Variants in TRPC4 observed in about 807,000 individuals in gnomAD.
TRPC4 encodes transient receptor potential cation channel subfamily C member 4, also known as short transient receptor potential channel 4.
TRPC4 carries 49 observed loss-of-function variants against 99.4 expected under a neutral mutation model. That is an observed-to-expected ratio of 0.49 (90% CI 0.39 to 0.63). The LOEUF (loss-of-function observed/expected upper bound fraction) is 0.63. Ranked by LOEUF, TRPC4 falls within the 20% of genes least tolerant of loss-of-function variation. The pLI is 0.00. For synonymous variants in TRPC4, 454 were observed against 425.9 expected, an observed-to-expected ratio of 1.07 and a Z score of -0.81; for missense variants, 898 against 1,152.9, an observed-to-expected ratio of 0.78 and a Z score of 3.20.
intron 3 of TRPC4, among the ~76,000 whole-genome samples, chr13:37,710,824 GA>G (rs1185298788): frequency 2.0e-5 from 3 of 151,738 alleles, no homozygotes; most frequent in Non-Finnish European, 4.4e-5. Context: ...TTAGGAAAGG[GA>G]AAAAAGTGAA....
chr13:37,702,755 T>C (rs1007728381), intron 3 of TRPC4, among the ~76,000 whole-genome samples: 2 of 152,208 alleles, frequency 1.3e-5, no homozygotes, highest in African/African-American at 4.8e-5. Flanking sequence ...CAGTCAGCTA[T>C]ATACATAATG....
chr13:37,795,888 T>C (rs891285660), intron 1 of TRPC4, among the ~76,000 whole-genome samples: 3 of 152,186 alleles, frequency 2.0e-5, no homozygotes, highest in African/African-American at 7.2e-5. Context: ...AGGCAATACA[T>C]TTCTGTGGCT....
chr13:37,681,751 C>T (rs781537334), intron 4 of TRPC4, among the ~76,000 whole-genome samples: 6 of 152,226 alleles, frequency 3.9e-5, no homozygotes, highest in East Asian at 1.9e-4. Context: ...ATCCTGTTCC[C>T]GCAATGGGAA....
At chr13:37,797,034 G>T (rs964068618) in intron 1 of TRPC4, among the ~76,000 whole-genome samples, 2 of 137,032 alleles carry the variant, frequency 1.5e-5, no homozygotes, top group Non-Finnish European at 3.1e-5. Flanking sequence ...GTAAGAATTA[G>T]CTGGGCATGG....
rs143625851 is a variant in TRPC4 at position 37,663,229 on chromosome 13, G to A, written c.1688+187C>T. ...ACTAAAATTTAAAATAAATGTGTCA[G>A]GTATTCTTTTTCCTGTCGGAAGTTT... On this transcript the variant is annotated intron_variant, in intron 6 of 10. Coordinates refer to ENST00000379705, the MANE Select transcript of TRPC4 (RefSeq NM_016179.4). 1.5e-3 allele frequency among the ~76,000 whole-genome samples: 231 copies of A among 152,262 alleles called. 2 individuals are homozygous for A. Among genetic ancestry groups the A allele is most frequent in the African/African-American group, 5.2e-3 (215 of 41,564 alleles).
chr13:37,807,806 C>T (rs1006462792), intron 1 of TRPC4, among the ~76,000 whole-genome samples: 9 of 151,870 alleles, frequency 5.9e-5, no homozygotes, highest in Admixed American at 1.3e-4. Flanking sequence ...ACAAAAGCAC[C>T]GAGCCAAAGG....
rs1953748584 is a variant in TRPC4 at position 37,692,450 on chromosome 13, T to G, written c.898-115A>C. On this transcript the variant is annotated intron_variant, in intron 3 of 10. Transcript: ENST00000379705. ...AAGACAGAAATTCTGTTTCACATAA[T>G]TTTACATTTAAACAATCAAAAGGCT... The G allele has an allele frequency of 6.1e-6, 6 of 980,916 alleles. No homozygotes were observed. The Admixed American group carries it at 1.7e-4, about 28-fold the overall frequency. 60.8% of individuals were successfully genotyped at this position (980,916 alleles called of 1,614,324 possible).
rs1956160761 is a variant in TRPC4, at chr13:37,758,995, C to A, written c.379-12540G>T. Among the ~76,000 whole-genome samples, 3 of 151,376 alleles carry A rather than the reference C, an allele frequency of 2.0e-5. No homozygotes were observed. The South Asian group carries it at 6.2e-4, about 31-fold the overall frequency. Reference sequence around the variant, plus strand: ...TATTGTTTTATTTATAACTTAATAACATTGTTATATTAATTGATATGAAGG... The same window carrying A: ...TATTGTTTTATTTATAACTTAATAAAATTGTTATATTAATTGATATGAAGG... On this transcript the variant is annotated intron_variant, in intron 2 of 10. Transcript: ENST00000379705.
intron 1 of TRPC4, among the ~76,000 whole-genome samples, chr13:37,791,764 A>G (rs1279521323): frequency 6.6e-6 from 1 of 152,200 alleles, no homozygotes; most frequent in Admixed American, 6.5e-5. Flanking sequence ...TCAGATGAAC[A>G]GGGATAGTCT....
chr13:37,867,471 G>A (rs1376447670), intron 1 of TRPC4, among the ~76,000 whole-genome samples: 1 of 135,902 alleles, frequency 7.4e-6, no homozygotes, highest in Non-Finnish European at 1.6e-5. Flanking sequence ...TTAATTCAGT[G>A]GGGTTAAAAT....
intron 1 of TRPC4, among the ~76,000 whole-genome samples, chr13:37,855,331 A>AC (rs1959161919): frequency 8.0e-6 from 1 of 125,776 alleles, no homozygotes; most frequent in African/African-American, 3.3e-5. Context: ...AGATATATAC[A>AC]ATGTAGATAT....
intron 1 of TRPC4, among the ~76,000 whole-genome samples, chr13:37,833,504 T>C (rs1445424293): frequency 6.6e-6 from 1 of 152,138 alleles, no homozygotes; most frequent in Non-Finnish European, 1.5e-5. Context: ...GCTGACGATC[T>C]TAAAAATGAA....
chr13:37,710,214 G>A (rs1254748400), intron 3 of TRPC4, among the ~76,000 whole-genome samples: 2 of 151,814 alleles, frequency 1.3e-5, no homozygotes, highest in Non-Finnish European at 2.9e-5. Context: ...TTAATGGATT[G>A]TCAGACTTCT....
chr13:37,813,880 A>G (rs940809977), intron 1 of TRPC4, among the ~76,000 whole-genome samples: 1 of 151,870 alleles, frequency 6.6e-6, no homozygotes, highest in Non-Finnish European at 1.5e-5. Flanking sequence ...CAAAGACATT[A>G]CAAGAAAAAT....
Position 37,637,241 on chromosome 13 carries a change from A to C in TRPC4, c.2596T>G (p.Ser866Ala), listed in dbSNP as rs534937697. Residue 866 changes from serine to alanine, a missense_variant, in exon 11 of 11, where the codon TCT becomes GCT. Coordinates refer to ENST00000379705, the MANE Select transcript of TRPC4 (RefSeq NM_016179.4). ...TGACGAGCAACTTCTTCTGAAACAGAGAAGATTTGGTTTGCATTTTGCTCA... is the reference window on the plus strand; with the variant it reads ...TGACGAGCAACTTCTTCTGAAACAGCGAAGATTTGGTTTGCATTTTGCTCA... ...AAEQNANQIF[S>A]VSEEVARQQA... 13 of 1,613,762 alleles carry C rather than the reference A, an allele frequency of 8.1e-6. No homozygotes were observed. Among genetic ancestry groups the C allele is most frequent in the African/African-American group, 6.7e-5 (5 of 74,906 alleles).
At chr13:37,672,571 A>C (rs7322054) in intron 5 of TRPC4, among the ~76,000 whole-genome samples, 55,720 of 152,060 alleles carry the variant, frequency 0.37, 11,351 homozygotes, top group Middle Eastern at 0.48. Flanking sequence ...TGGTATTGTG[A>C]TATAATCCCA....
intron 5 of TRPC4, among the ~76,000 whole-genome samples, chr13:37,670,253 G>A (rs1412952865): frequency 2.0e-5 from 3 of 152,170 alleles, no homozygotes; most frequent in Non-Finnish European, 2.9e-5. Context: ...TAATACAATG[G>A]AGAAATTAAA....
At chr13:37,755,832 G>A (rs1461348870) in intron 2 of TRPC4, among the ~76,000 whole-genome samples, 1 of 152,030 alleles carries the variant, frequency 6.6e-6, no homozygotes, top group Admixed American at 6.6e-5. Context: ...TTAAAGTTCT[G>A]GTTGATAGTA....
chr13:37,786,591 C>T (rs7993498), intron 1 of TRPC4, among the ~76,000 whole-genome samples: 55,569 of 151,842 alleles, frequency 0.37, 10,792 homozygotes, highest in Middle Eastern at 0.46. Context: ...GGAATTGCTA[C>T]TGGATAGAAA....
Sources: allele counts gnomAD v4.1 joint callset (sites outside exome capture counted in the v4.1 genomes callset), GRCh38; gene constraint gnomAD v4.1.1; transcripts MANE v1.5; gene names NCBI Gene and HGNC (gene_info 2026-07-23, HGNC 2026-07-21).